The following CCDC157 variants were observed in gnomAD, a reference collection of about 807,000 sequenced individuals.
CCDC157 encodes the protein coiled-coil domain-containing protein 157.
CCDC157 carries 60 observed loss-of-function variants against 70.9 expected under a neutral mutation model. That is an observed-to-expected ratio of 0.85 (90% confidence interval 0.69 to 1.05). The LOEUF is 1.05. Among genes scored for constraint, CCDC157 ranks in the 50% least tolerant of loss-of-function variants. CCDC157 has a pLI of 0.00. For synonymous variants in CCDC157, 373 were observed against 422.4 expected (o/e 0.88, Z 1.43); for missense variants, 943 against 984.2 (o/e 0.96, Z 0.56).
chr22:30,376,642 G>C lies in CCDC157; in HGVS notation c.2156G>C (p.Cys719Ser). 6.2e-7 allele frequency: 1 copy of C among 1,613,828 alleles called. No homozygotes were observed. Among genetic ancestry groups the C allele is most frequent in the Non-Finnish European group, 8.5e-7 (1 of 1,179,996 alleles). ...LLEGVTHLDT[C>S]TQNPIKVLVR... The stretch of plus-strand genomic sequence containing the variant: ...GAGGGTGTGACCCACTTGGACACCT[G>C]CACCCAGAACCCCATCAAGGTCTTG... The change falls in exon 12 of 12, where the codon TGC (cysteine) becomes TCC (serine). Residue 719 changes from cysteine to serine, a missense_variant. Cys to Ser is a moderately radical substitution (Grantham distance 112). Transcript: ENST00000338306.
rs1850062785 is a variant in CCDC157, at chr22:30,376,284, C to G, written c.1883C>G (p.Ser628Cys). 1 of 1,600,774 alleles carries G rather than the reference C, an allele frequency of 6.2e-7. No homozygotes were observed. Among genetic ancestry groups the G allele is most frequent in the Non-Finnish European group, 8.5e-7 (1 of 1,172,284 alleles). The change falls in exon 11 of 12, where the codon TCC becomes TGC. Residue 628 changes from serine to cysteine, a missense_variant. Coordinates refer to ENST00000338306, the MANE Select transcript of CCDC157 (RefSeq NM_001017437.5). ...LKLIPQDRLWSPSSKGTQGAT... is the reference protein window; with the variant it reads ...LKLIPQDRLWCPSSKGTQGAT... ...CTGATCCCGCAGGACCGGCTCTGGT[C>G]CCCTTCCAGCAAGGGAACCCAGGGA...
intron 7 of CCDC157, chr22:30,372,932 G>C: frequency 6.5e-6 from 1 of 153,422 alleles, no homozygotes; most frequent in Non-Finnish European, 1.5e-5. Flanking sequence ...CCCCAAGTGG[G>C]TGCTGTTCTC....
At chr22:30,368,191 C>T (rs1569186095) in intron 3 of CCDC157, among the ~76,000 whole-genome samples, 1 of 152,220 alleles carries the variant, frequency 6.6e-6, no homozygotes, top group Non-Finnish European at 1.5e-5. Context: ...GCTGGAGGAG[C>T]CCTTGGTACA....
At chr22:30,362,345 C>T (rs1486640866) in intron 2 of CCDC157, among the ~76,000 whole-genome samples, 1 of 152,212 alleles carries the variant, frequency 6.6e-6, no homozygotes, top group Non-Finnish European at 1.5e-5. Flanking sequence ...ACAGGATGCT[C>T]TGAGAATGTG....
intron 7 of CCDC157, chr22:30,372,569 G>A: frequency 2.7e-6 from 1 of 366,380 alleles, no homozygotes; most frequent in Non-Finnish European, 4.9e-6. Context: ...GATGGCTAAG[G>A]GGTGCAGGGA....
chr22:30,374,105 G>A lies in CCDC157; in HGVS notation c.1672+14G>A. 6.3e-7 allele frequency: 1 copy of A among 1,583,728 alleles called. No individual in the cohort carries two copies. The highest frequency in any genetic ancestry group is 8.6e-7 in the Non-Finnish European group (1 of 1,166,142). ...CCCAGATCCATGGTAGGGGACTGGG[G>A]ATGGTGCCAAGGGCATGCTGGGGCT... On this transcript the variant is annotated intron_variant, in intron 9 of 11. Transcript: ENST00000338306.
Position 30,370,909 on chromosome 22 carries a change from G to T in CCDC157, c.1004G>T (p.Cys335Phe), listed in dbSNP as rs1224745501. 1 of 1,610,716 alleles carries T rather than the reference G, an allele frequency of 6.2e-7. No homozygotes were observed. The highest frequency in any genetic ancestry group is 8.5e-7 in the Non-Finnish European group (1 of 1,179,780). ...CGACAGGCGGAGGAGGATGAGCAGT[G>T]CCTGTCTGAGTGGGAGCACGACAAA... The part of the protein sequence containing the change: ...RRRQAEEDEQ[C>F]LSEWEHDKQQ... The change falls in exon 5 of 12, where the codon TGC (cysteine) becomes TTC (phenylalanine). Residue 335 changes from cysteine to phenylalanine, a missense_variant. By Grantham distance (205) the Cys-to-Phe change is radical. Coordinates refer to ENST00000338306, the MANE Select transcript of CCDC157 (RefSeq NM_001017437.5).
Position 30,375,499 on chromosome 22 carries a change from G to A in CCDC157, c.1693G>A (p.Glu565Lys). 6.2e-7 allele frequency: 1 copy of A among 1,614,178 alleles called. No individual in the cohort carries two copies. Among genetic ancestry groups the A allele is most frequent in the Middle Eastern group, 1.6e-4 (1 of 6,062 alleles). ...CACAGGAGGCAGATCCAGCAGCGTGGAATCCCAGATAACATGTCCCACAGA... is the reference window on the plus strand; with the variant it reads ...CACAGGAGGCAGATCCAGCAGCGTGAAATCCCAGATAACATGTCCCACAGA... Reference protein sequence around the residue: ...QIHGGRSSSVESQITCPTDSG... With the variant: ...QIHGGRSSSVKSQITCPTDSG... The change falls in exon 10 of 12, where the codon GAA becomes AAA. Residue 565 changes from glutamate (E) to lysine (K), a missense_variant. Physicochemically the swap from Glu to Lys is moderately conservative, Grantham distance 56. Coordinates refer to ENST00000338306, the MANE Select transcript of CCDC157 (RefSeq NM_001017437.5).
Position 30,372,030 on chromosome 22 carries a change from G to C in CCDC157, c.1124-45G>C, listed in dbSNP as rs933081144. 2.3e-6 allele frequency: 3 copies of C among 1,314,440 alleles called. No homozygotes were observed. The African/African-American group carries it at 4.4e-5, about 19-fold the overall frequency. The allele number at this position is 1,314,440 out of a possible 1,614,324, so 81.4% of individuals were successfully genotyped here. A position where few individuals can be genotyped will look rare whatever the true frequency, so the allele number is the denominator to read the frequency against. On this transcript the variant is annotated intron_variant, in intron 6 of 11. Transcript: ENST00000338306. Reference sequence around the variant, plus strand: ...CCCGTCCTAGGTCTGAGGTAGTACAGCGCTCCCCTGCCCTACCCCATCCCA... The same window carrying C: ...CCCGTCCTAGGTCTGAGGTAGTACACCGCTCCCCTGCCCTACCCCATCCCA...
intron 2 of CCDC157, among the ~76,000 whole-genome samples, chr22:30,364,814 CAA>C (rs761781292): frequency 4.4e-5 from 5 of 114,400 alleles, no homozygotes; most frequent in African/African-American, 3.3e-5. Flanking sequence ...GACACCATCT[CAA>C]AAAAAAAAAA....
Position 30,369,591 on chromosome 22 carries a change from G to C in CCDC157, c.408G>C (p.Gln136His). 7 of 1,565,300 alleles carry C rather than the reference G, an allele frequency of 4.5e-6. No homozygotes were observed. The highest frequency in any genetic ancestry group is 6.0e-6 in the Non-Finnish European group (7 of 1,158,722). Reference sequence around the variant, plus strand: ...TGAGGCTGGGCACGCTCCACCAGCAGCCACTCCCCCAGGTGGGTCCCAGCC... The same window carrying C: ...TGAGGCTGGGCACGCTCCACCAGCACCCACTCCCCCAGGTGGGTCCCAGCC... ...SLLRLGTLHQ[Q>H]PLPQKGANQR... Residue 136 changes from glutamine to histidine, a missense_variant, in exon 4 of 12, where the codon CAG (glutamine) becomes CAC (histidine). Gln to His is a conservative substitution (Grantham distance 24, BLOSUM62 0). Transcript: ENST00000338306.
intron 9 of CCDC157, 98 bp from the exon 10 acceptor site, chr22:30,375,381 C>A: frequency 1.8e-6 from 2 of 1,108,466 alleles, no homozygotes; most frequent in Non-Finnish European, 2.7e-6. Context: ...GGAAGATGAG[C>A]TAGGAGGCCT....
intron 4 of CCDC157, chr22:30,370,108 G>T: frequency 1.6e-6 from 1 of 643,092 alleles, no homozygotes; most frequent in Non-Finnish European, 2.7e-6. Context: ...CTGGAGCTTG[G>T]GGTGCGGGCC....
intron 7 of CCDC157, 87 bp from the exon 8 acceptor site, chr22:30,373,510 A>C: frequency 1.4e-6 from 2 of 1,407,306 alleles, no homozygotes; most frequent in Non-Finnish European, 1.9e-6. Flanking sequence ...GCCGAGGGGT[A>C]GTAGATGCTG....
chr22:30,376,239 CTT>C lies in CCDC157; in HGVS notation c.1858-6_1858-5del, dbSNP rs35246021. On this transcript the variant is annotated intron_variant, in intron 10 of 11. Transcript: ENST00000338306. ...GACTCCTGGGCCCTTATAAGACTGG[CTT>C]TTTTTTTTTTTTTGTAGCTGATCCC... The C allele has an allele frequency of 2.5e-3, 3,593 of 1,424,426 alleles. No individual in the cohort carries two copies. The highest frequency in any genetic ancestry group is 3.0e-3 in the Admixed American group (155 of 51,766). The allele number at this position is 1,424,426 out of a possible 1,614,324, so 88.2% of individuals were successfully genotyped here.
At chr22:30,374,258 G>T in intron 9 of CCDC157, 167 bp downstream of exon 9, 1 of 747,712 alleles carries the variant, frequency 1.3e-6, no homozygotes, top group Admixed American at 2.4e-5. Flanking sequence ...GCACGCAAGT[G>T]CTTCATGCGT....
chr22:30,374,954 C>CTTT (rs10611353), intron 9 of CCDC157: 25 of 240,486 alleles, frequency 1.0e-4, no homozygotes, highest in South Asian at 1.8e-4. Context: ...TTTGCTAAGT[C>CTTT]TTTTTTTTTT....
chr22:30,369,704 A>G, intron 4 of CCDC157, 101 bp downstream of exon 4: 6 of 950,624 alleles, frequency 6.3e-6, no homozygotes, highest in Non-Finnish European at 8.7e-6. Flanking sequence ...CTAGCCTACC[A>G]CTATGTGCAC....
At chr22:30,360,504 CAA>C (rs35535032) in intron 1 of CCDC157, among the ~76,000 whole-genome samples, 6 of 130,122 alleles carry the variant, frequency 4.6e-5, no homozygotes, top group East Asian at 2.3e-4. Flanking sequence ...GACTCCGTCT[CAA>C]AAAAAAAAAA....
Sources: allele counts gnomAD v4.1 joint callset (sites outside exome capture counted in the v4.1 genomes callset), GRCh38; gene constraint gnomAD v4.1.1; transcripts MANE v1.5; gene names NCBI Gene and HGNC (gene_info 2026-07-23, HGNC 2026-07-21).